VIL1: variants seen among roughly 807,000 people sequenced by gnomAD.
VIL1 encodes the protein villin 1, also known as villin-1.
A neutral mutation model predicts 104.0 loss-of-function variants in VIL1; 86 were observed. The observed-to-expected ratio is 0.83, with a 90% CI of 0.69 to 0.99. VIL1 has a LOEUF of 0.99. Among genes scored for constraint, VIL1 ranks in the 50% least tolerant of loss-of-function variants. VIL1 has a pLI of 0.00. For synonymous variants in VIL1, 394 were observed against 412.6 expected (o/e 0.95, Z 0.55); for missense variants, 944 against 1,054.1 (o/e 0.90, Z 1.45).
Position 218,430,825 on chromosome 2 carries a change from C to T in VIL1, c.1049C>T (p.Thr350Ile). 1.2e-6 allele frequency: 2 copies of T among 1,613,994 alleles called. No homozygotes were observed. Among genetic ancestry groups the T allele is most frequent in the Non-Finnish European group, 1.7e-6 (2 of 1,179,978 alleles). Reference sequence around the variant, plus strand: ...TTTCAGCAGCTCTTCCAGAAGTGGACAGCGTCCAACCGGACCTCAGGCCTA... The same window carrying T: ...TTTCAGCAGCTCTTCCAGAAGTGGATAGCGTCCAACCGGACCTCAGGCCTA... ...AVFQQLFQKW[T>I]ASNRTSGLGK... Residue 350 changes from threonine to isoleucine, a missense_variant, in exon 10 of 20, where the codon ACA becomes ATA. By Grantham distance (89) the Thr-to-Ile change is moderately conservative. Coordinates refer to ENST00000248444, the MANE Select transcript of VIL1 (RefSeq NM_007127.3).
intron 15 of VIL1, 71 bp from the exon 16 acceptor site, chr2:218,436,407 TCAGA>T: frequency 6.4e-7 from 1 of 1,551,950 alleles, no homozygotes; most frequent in Non-Finnish European, 8.7e-7. Context: ...AGTCCCTTCC[TCAGA>T]GTTCTGTGTC....
chr2:218,449,250 C>T lies in VIL1; in HGVS notation c.2398C>T (p.Gln800Ter), dbSNP rs1689424732. 6.2e-7 allele frequency: 1 copy of T among 1,614,028 alleles called. No homozygotes were observed. Among genetic ancestry groups the T allele is most frequent in the Non-Finnish European group, 8.5e-7 (1 of 1,179,918 alleles). Residue 800 changes from glutamine (Q) to a stop codon, truncating the protein, a stop_gained, in exon 20 of 20, where the codon CAG becomes TAG. Transcript: ENST00000248444. LOFTEE classifies it high-confidence loss of function. ...EEHLSIEDFT[Q>*]AFGMTPAAFS... is the part of the protein sequence containing the mutation. ...ACACCTGTCCATTGAAGATTTCACT[C>T]AGGCCTTTGGGATGACTCCAGCTGC...
At chr2:218,444,073 C>A (rs1689325992) in intron 19 of VIL1, among the ~76,000 whole-genome samples, 1 of 152,180 alleles carries the variant, frequency 6.6e-6, no homozygotes, top group Admixed American at 6.5e-5. Flanking sequence ...TCAAGCAATT[C>A]TCCTGCCTCA....
chr2:218,449,500 T>C lies in VIL1; in HGVS notation c.*164T>C. On this transcript the variant is annotated 3_prime_UTR_variant, in exon 20 of 20. Transcript: ENST00000248444. ...TTTTGTTTAATAATGTACCTATTCC[T>C]TCAGAAAGATGATACCCCAAAAGGA... is the stretch of plus-strand genomic sequence containing the variant. The C allele has an allele frequency of 1.8e-6, 1 of 557,964 alleles. No homozygotes were observed. Among genetic ancestry groups the C allele is most frequent in the East Asian group, 3.1e-5 (1 of 32,224 alleles). The allele number at this position is 557,964 out of a possible 1,614,324, so 34.6% of individuals were successfully genotyped here.
At chr2:218,433,972 G>A (rs10439351) in intron 13 of VIL1, among the ~76,000 whole-genome samples, 52,506 of 151,358 alleles carry the variant, frequency 0.35, 9,492 homozygotes, top group Non-Finnish European at 0.39. Context: ...CAAGGCGGGC[G>A]GATCTCCTGA....
intron 19 of VIL1, among the ~76,000 whole-genome samples, chr2:218,446,196 C>A (rs1022435414): frequency 6.6e-6 from 1 of 152,136 alleles, no homozygotes; most frequent in Non-Finnish European, 1.5e-5. Flanking sequence ...GACACATTCA[C>A]AGAAGAATAT....
Position 218,431,868 on chromosome 2 carries a change from C to G in VIL1, c.1114C>G (p.Gln372Glu), listed in dbSNP as rs766443057. The stretch of plus-strand genomic sequence containing the variant: ...TTCCCCCACTCTAGCCAAAGTGGAA[C>G]AGGTGAAGTTCGATGCCACATCCAT... The part of the protein sequence containing the change: ...HTVGSVAKVE[Q>E]VKFDATSMHV... Residue 372 changes from glutamine to glutamate, a missense_variant, in exon 11 of 20, where the codon CAG (glutamine) becomes GAG (glutamate). By Grantham distance (29) the Gln-to-Glu change is conservative. Transcript: ENST00000248444. 1 of 1,613,488 alleles carries G rather than the reference C, an allele frequency of 6.2e-7. No homozygotes were observed. The highest frequency in any genetic ancestry group is 1.1e-5 in the South Asian group (1 of 90,876).
rs1689492706 is a variant in VIL1 at position 218,451,936 on chromosome 2, G to T, written c.*2600G>T. 1 of 152,568 alleles carries T rather than the reference G, an allele frequency of 6.6e-6. No individual in the cohort carries two copies. The highest frequency in any genetic ancestry group is 6.5e-5 in the Admixed American group (1 of 15,276). The allele number at this position is 152,568 out of a possible 1,614,324, so 9.5% of individuals were successfully genotyped here. A position where few individuals can be genotyped will look rare whatever the true frequency, so the allele number is the denominator to read the frequency against. ...TTCATGGATTTGCTTATTCTATCCT[G>T]CTGAGACAAAACTCATGAGTGTGCA... On this transcript the variant is annotated 3_prime_UTR_variant, in exon 20 of 20. Transcript: ENST00000248444.
chr2:218,438,844 C>T lies in VIL1; in HGVS notation c.2229+118C>T, dbSNP rs540796024. 5.1e-6 allele frequency: 4 copies of T among 790,794 alleles called. No homozygotes were observed. The South Asian group carries it at 6.6e-5, about 13-fold the overall frequency. 49.0% of individuals were successfully genotyped at this position (790,794 alleles called of 1,614,324 possible). A position where few individuals can be genotyped will look rare whatever the true frequency, so the allele number is the denominator to read the frequency against. ...CCTGTGCTTTCCCTCCTATTTCTCC[C>T]CCACTTCTCATTCTTCTTGCTGTTT... On this transcript the variant is annotated intron_variant, in intron 18 of 19. Transcript: ENST00000248444.
chr2:218,431,946 G>A lies in VIL1; in HGVS notation c.1192G>A (p.Gly398Arg). 1 of 1,613,962 alleles carries A rather than the reference G, an allele frequency of 6.2e-7. No individual in the cohort carries two copies. The highest frequency in any genetic ancestry group is 1.1e-5 in the South Asian group (1 of 91,066). ...AQQKMVDDGS[G>R]EVQVWRIENL... is the part of the protein sequence containing the mutation. ...GCAGAAGATGGTAGATGATGGGAGT[G>A]GGGAAGTGCAGGTATGTGAGGGCAG... Residue 398 changes from glycine to arginine, a missense_variant, in exon 11 of 20, where the codon GGG (glycine) becomes AGG (arginine). Physicochemically the swap from Gly to Arg is moderately radical, Grantham distance 125 (BLOSUM62 -2). Transcript: ENST00000248444.
chr2:218,433,061 T>G, intron 13 of VIL1, 110 bp downstream of exon 13: 4 of 1,336,616 alleles, frequency 3.0e-6, no homozygotes, highest in Non-Finnish European at 4.2e-6. Flanking sequence ...TGAAGCCCAT[T>G]CTTCATAGGA....
intron 19 of VIL1, among the ~76,000 whole-genome samples, chr2:218,446,756 T>C (rs948341177): frequency 9.6e-5 from 9 of 93,772 alleles, no homozygotes; most frequent in Admixed American, 3.3e-4. Flanking sequence ...TCAAGTGACC[T>C]TGACTTTTTT....
At chr2:218,446,792 C>T (rs7568926) in intron 19 of VIL1, among the ~76,000 whole-genome samples, 69,413 of 135,064 alleles carry the variant, frequency 0.51, 19,380 homozygotes, top group East Asian at 0.8. Flanking sequence ...GAGACAGAGT[C>T]CCGCTCTGTT....
At position 218,432,179 on chromosome 2, in the gene VIL1, G is replaced by C; in HGVS notation, c.1337G>C (p.Trp446Ser). The C allele has an allele frequency of 6.2e-7, 1 of 1,612,308 alleles. No homozygotes were observed. The change falls in exon 12 of 20, where the codon TGG (tryptophan) becomes TCG (serine). Residue 446 changes from tryptophan (W) to serine (S), a missense_variant. Transcript: ENST00000248444. ...AAGCAGCATTACCTGCTCTACGTTT[G>C]GCAGGTCAGGTCCCGCCACGTCCCA... is the stretch of plus-strand genomic sequence containing the variant. ...GEKQHYLLYV[W>S]QGSQASQDEI...
chr2:218,419,494 G>C (rs1574809788), intron 1 of VIL1, among the ~76,000 whole-genome samples: 1 of 152,122 alleles, frequency 6.6e-6, no homozygotes, highest in Non-Finnish European at 1.5e-5. Flanking sequence ...GGCAGACCGG[G>C]ACTAGTTGGT....
intron 6 of VIL1, among the ~76,000 whole-genome samples, chr2:218,429,071 C>A (rs1689049938): frequency 6.6e-6 from 1 of 152,222 alleles, no homozygotes; most frequent in Non-Finnish European, 1.5e-5. Context: ...GAGCACCTCC[C>A]TGACAGTGGG....
chr2:218,448,678 T>C lies in VIL1; in HGVS notation c.2371-545T>C, dbSNP rs556336598. Among the ~76,000 whole-genome samples the C allele has an allele frequency of 5.3e-5, 8 of 152,134 alleles. No homozygotes were observed. In the South Asian group the frequency reaches 1.7e-3, roughly 32 times the overall value. On this transcript the variant is annotated intron_variant, in intron 19 of 19. Coordinates refer to ENST00000248444, the MANE Select transcript of VIL1 (RefSeq NM_007127.3). ...GACCCTTGTACAAAGAAAATCTCAA[T>C]CTACCACACTACTATCTTTTTCATT...
Position 218,436,574 on chromosome 2 carries a change from A to G in VIL1, c.1919A>G (p.Asn640Ser), listed in dbSNP as rs1689195420. 1 of 1,614,116 alleles carries G rather than the reference A, an allele frequency of 6.2e-7. No individual in the cohort carries two copies. Among genetic ancestry groups the G allele is most frequent in the Non-Finnish European group, 8.5e-7 (1 of 1,180,018 alleles). The change falls in exon 16 of 20, where the codon AAT becomes AGT. Residue 640 changes from asparagine to serine, a missense_variant. Transcript: ENST00000248444. Reference sequence around the variant, plus strand: ...CTGGCCACAGAGATCCCTGACTTCAATCAGGATGACTTGGAAGAGGATGAT... The same window carrying G: ...CTGGCCACAGAGATCCCTGACTTCAGTCAGGATGACTTGGAAGAGGATGAT... ...RFLATEIPDFNQDDLEEDDVF... is the reference protein window; with the variant it reads ...RFLATEIPDFSQDDLEEDDVF...
chr2:218,433,529 G>A (rs1356098824), intron 13 of VIL1, among the ~76,000 whole-genome samples: 4 of 152,166 alleles, frequency 2.6e-5, no homozygotes, highest in African/African-American at 9.7e-5. Context: ...CCTGAGGTCA[G>A]TAGTTCAAAA....
Sources: allele counts gnomAD v4.1 joint callset (sites outside exome capture counted in the v4.1 genomes callset), GRCh38; gene constraint gnomAD v4.1.1; transcripts MANE v1.5; gene names NCBI Gene and HGNC (gene_info 2026-07-23, HGNC 2026-07-21).